The following TNNI3K variants were observed in gnomAD, a reference collection of about 807,000 sequenced individuals.
TNNI3K encodes TNNI3 interacting kinase.
Under a neutral mutation model 114.5 loss-of-function variants are expected in TNNI3K, and 140 were observed. The ratio of observed to expected loss-of-function variants is 1.22; its 90% CI spans 1.07 to 1.41. The LOEUF (loss-of-function observed/expected upper bound fraction) is 1.41, where lower values mean the gene tolerates loss of function less well. Ranked by LOEUF, TNNI3K falls within the 40% of genes most tolerant of loss-of-function variation. TNNI3K has a pLI of 0.00. For missense variants in TNNI3K, 1,125 were observed against 1,007.6 expected, an observed-to-expected ratio of 1.12 and a Z score of -1.58; for synonymous variants, 347 against 347.5, an observed-to-expected ratio of 1.00 and a Z score of 0.02.
In TNNI3K at chr1:74,249,202, T is replaced by A. The variant is rs1185414004; in HGVS notation, c.150-257T>A. ...ATTCGCTATTGTGACATCTAGTAGC[T>A]GTCAGTGATTCTGGAGCAACTATTG... On this transcript the variant is annotated intron_variant, in intron 2 of 24. Transcript: ENST00000326637. Among the ~76,000 whole-genome samples the A allele has an allele frequency of 2.6e-5, 4 of 151,752 alleles. No individual in the cohort carries two copies. In the East Asian group the frequency reaches 7.7e-4, roughly 29 times the overall value.
At chr1:74,280,025 A>C (rs928089837) in intron 5 of TNNI3K, among the ~76,000 whole-genome samples, 1 of 136,960 alleles carries the variant, frequency 7.3e-6, no homozygotes, top group African/African-American at 2.8e-5. Context: ...CCAGGCAAGA[A>C]AGCACCTTCA....
intron 5 of TNNI3K, among the ~76,000 whole-genome samples, chr1:74,330,286 A>C (rs576225546): frequency 1.3e-5 from 2 of 152,206 alleles, no homozygotes; most frequent in African/African-American, 2.4e-5. Context: ...ACATAAATTT[A>C]TGAAGGATTC....
intron 20 of TNNI3K, among the ~76,000 whole-genome samples, chr1:74,441,637 T>C (rs891143208): frequency 6.6e-6 from 1 of 152,118 alleles, no homozygotes; most frequent in Admixed American, 6.6e-5. Flanking sequence ...TTCACGTCCT[T>C]GCCAGCACTT....
chr1:74,531,751 T>C (rs1271985212), intron 23 of TNNI3K, among the ~76,000 whole-genome samples: 1 of 152,176 alleles, frequency 6.6e-6, no homozygotes, highest in African/African-American at 2.4e-5. Flanking sequence ...TGTGTTTCCT[T>C]TTGAGTATAA....
At chr1:74,374,715 GC>G (rs1662815227) in intron 17 of TNNI3K, 2 of 151,956 alleles carry the variant, frequency 1.3e-5, no homozygotes, top group South Asian at 4.2e-4. Context: ...GTTTTGTTTG[GC>G]CCATAGTGTT....
chr1:74,356,260 T>G (rs564129252), intron 11 of TNNI3K, among the ~76,000 whole-genome samples: 2 of 152,344 alleles, frequency 1.3e-5, no homozygotes, highest in African/African-American at 4.8e-5. Context: ...ATCACAATTT[T>G]TTAATTCATT....
intron 17 of TNNI3K, among the ~76,000 whole-genome samples, chr1:74,397,905 G>A (rs781231520): frequency 5.9e-5 from 9 of 152,218 alleles, no homozygotes; most frequent in East Asian, 5.8e-4. Context: ...CCAAGAAGGC[G>A]CTATATATAG....
intron 9 of TNNI3K, among the ~76,000 whole-genome samples, chr1:74,347,659 C>A (rs1213687565): frequency 1.3e-5 from 2 of 152,212 alleles, no homozygotes; most frequent in South Asian, 2.1e-4. Context: ...CTCTCCAGCA[C>A]CTGTTGTTTC....
chr1:74,497,579 C>T (rs1178893486), intron 23 of TNNI3K, among the ~76,000 whole-genome samples: 3 of 150,374 alleles, frequency 2.0e-5, no homozygotes, highest in African/African-American at 7.4e-5. Context: ...CACACACACA[C>T]ACATACACAT....
chr1:74,464,284 G>A (rs1028214137), intron 21 of TNNI3K, among the ~76,000 whole-genome samples: 8 of 152,184 alleles, frequency 5.3e-5, no homozygotes, highest in African/African-American at 1.9e-4. Context: ...GTTCAGTCCA[G>A]TGTCTAGTAA....
At chr1:74,475,915 T>G (rs1378833495) in intron 21 of TNNI3K, 1 of 486,274 alleles carries the variant, frequency 2.1e-6, no homozygotes, top group East Asian at 3.1e-5. Flanking sequence ...TTGAAAGATA[T>G]CAGAATGGGT....
At chr1:74,450,268 A>T (rs1666926842) in intron 20 of TNNI3K, among the ~76,000 whole-genome samples, 2 of 151,708 alleles carry the variant, frequency 1.3e-5, no homozygotes, top group Admixed American at 6.6e-5. Context: ...GTGTAGAGGG[A>T]AATTTATAGC....
chr1:74,249,545 G>T lies in TNNI3K; in HGVS notation c.235+1G>T. 2.5e-6 allele frequency: 4 copies of T among 1,613,102 alleles called. No individual in the cohort carries two copies. The highest frequency in any genetic ancestry group is 3.4e-6 in the Non-Finnish European group (4 of 1,179,568). On this transcript the variant is annotated splice_donor_variant, in intron 3 of 24. Transcript: ENST00000326637. LOFTEE classifies it high-confidence loss of function. ...CTTCATTTATGTTGCATTTGTGGAG[G>T]TGAGTACTTGAAACTTAGTACTTCT...
chr1:74,449,143 C>G (rs1003996452), intron 20 of TNNI3K, among the ~76,000 whole-genome samples: 1 of 150,538 alleles, frequency 6.6e-6, no homozygotes, highest in Non-Finnish European at 1.5e-5. Flanking sequence ...ATTTCAGCTC[C>G]TGTTATTGGT....
intron 24 of TNNI3K, among the ~76,000 whole-genome samples, chr1:74,540,798 T>C (rs1570760730): frequency 6.6e-6 from 1 of 152,198 alleles, no homozygotes; most frequent in East Asian, 1.9e-4. Context: ...AAGGGTAAAA[T>C]GCAAATCCAG....
intron 17 of TNNI3K, chr1:74,370,961 T>A (rs1662564510): frequency 6.6e-6 from 1 of 151,798 alleles, no homozygotes. Context: ...AAGGCCAATA[T>A]ACAAAATGGA....
intron 17 of TNNI3K, among the ~76,000 whole-genome samples, chr1:74,401,387 C>T (rs773240409): frequency 6.6e-6 from 1 of 152,058 alleles, no homozygotes; most frequent in Non-Finnish European, 1.5e-5. Context: ...ATAATTCAGA[C>T]CATTGTTATT....
At chr1:74,289,721 T>C (rs1034477007) in intron 5 of TNNI3K, among the ~76,000 whole-genome samples, 1 of 151,948 alleles carries the variant, frequency 6.6e-6, no homozygotes, top group Non-Finnish European at 1.5e-5. Context: ...ATTCAGATTA[T>C]TTATATCTGC....
chr1:74,462,521 C>T (rs1043011503), intron 20 of TNNI3K, among the ~76,000 whole-genome samples: 1 of 152,092 alleles, frequency 6.6e-6, no homozygotes, highest in African/African-American at 2.4e-5. Flanking sequence ...AAAGACTGCA[C>T]CAAACATTAG....
Sources: gnomAD v4.1 joint callset for allele counts (sites outside exome capture counted in the v4.1 genomes callset) on GRCh38, gnomAD v4.1.1 for gene constraint, MANE v1.5 for transcripts, NCBI Gene and HGNC (gene_info 2026-07-23, HGNC 2026-07-21) for gene names.